KCNAB1: variants seen among roughly 807,000 people sequenced by gnomAD.
The protein encoded by KCNAB1 is voltage-gated potassium channel subunit beta-1.
In KCNAB1, 35 loss-of-function variants were observed where a neutral mutation model predicts 64.6. That is an observed-to-expected ratio of 0.54 (90% CI 0.41 to 0.72). The LOEUF is 0.72. Ranked by LOEUF, KCNAB1 falls within the 30% of genes least tolerant of loss-of-function variation. KCNAB1 has a pLI of 0.00. For synonymous variants in KCNAB1, 177 were observed against 183.8 expected (o/e 0.96, Z 0.30); for missense variants, 401 against 512.9 (o/e 0.78, Z 2.11).
chr3:156,260,498 G>T (rs551659118), intron 1 of KCNAB1, among the ~76,000 whole-genome samples: 4 of 152,108 alleles, frequency 2.6e-5, no homozygotes, highest in Non-Finnish European at 5.9e-5. Context: ...TTCTAGACAT[G>T]TCATAAAAAT....
chr3:156,537,126 T>C lies in KCNAB1; in HGVS notation c.*379T>C, dbSNP rs1447887968. ...ACAAAATCCACAGATGCAATGTGAG[T>C]TGCGTAAGAAACAGAGTAGATAGAC... On this transcript the variant is annotated 3_prime_UTR_variant, in exon 14 of 14. Transcript: ENST00000490337. 1 of 401,124 alleles carries C rather than the reference T, an allele frequency of 2.5e-6. No individual in the cohort carries two copies. The highest frequency in any genetic ancestry group is 4.4e-6 in the Non-Finnish European group (1 of 227,856). The allele number at this position is 401,124 out of a possible 1,614,324, so 24.8% of individuals were successfully genotyped here. A position where few individuals can be genotyped will look rare whatever the true frequency, so the allele number is the denominator to read the frequency against.
intron 1 of KCNAB1, among the ~76,000 whole-genome samples, chr3:156,303,890 A>G (rs1368713776): frequency 1.3e-5 from 2 of 152,248 alleles, no homozygotes; most frequent in Admixed American, 6.5e-5. Flanking sequence ...TCATGTTGAC[A>G]GTAGAAAAGA....
At chr3:156,338,303 C>CTTTT (rs34671816) in intron 1 of KCNAB1, among the ~76,000 whole-genome samples, 890 of 39,438 alleles carry the variant, frequency 0.023, 196 homozygotes, top group African/African-American at 0.069. Context: ...GGCATTTGCA[C>CTTTT]TTTTTTTTTT....
intron 1 of KCNAB1, chr3:156,176,556 T>C (rs1237394059): frequency 1.2e-6 from 1 of 812,558 alleles, no homozygotes; most frequent in African/African-American, 1.7e-5. Flanking sequence ...CCATCTGTGT[T>C]GTAATGCAGT....
intron 1 of KCNAB1, among the ~76,000 whole-genome samples, chr3:156,232,153 T>C (rs1478177110): frequency 1.3e-5 from 2 of 152,194 alleles, no homozygotes; most frequent in Non-Finnish European, 2.9e-5. Context: ...TAGAAAGTAA[T>C]AGTAAGCATT....
At chr3:156,224,287 G>A (rs1262727114) in intron 1 of KCNAB1, among the ~76,000 whole-genome samples, 5 of 152,222 alleles carry the variant, frequency 3.3e-5, no homozygotes, top group African/African-American at 9.6e-5. Flanking sequence ...ACGCAGCCCC[G>A]GTTTCCACCC....
intron 2 of KCNAB1, chr3:156,446,197 T>TA (rs902818170): frequency 1.3e-5 from 2 of 152,138 alleles, no homozygotes; most frequent in Non-Finnish European, 2.9e-5. Flanking sequence ...CTCACCAGGG[T>TA]AATGACCTGG....
At chr3:156,243,154 C>T (rs1313218774) in intron 1 of KCNAB1, among the ~76,000 whole-genome samples, 3 of 152,128 alleles carry the variant, frequency 2.0e-5, no homozygotes, top group Non-Finnish European at 2.9e-5. Flanking sequence ...GTGATCCACC[C>T]GCCTCGGCCT....
intron 1 of KCNAB1, among the ~76,000 whole-genome samples, chr3:156,224,469 C>T (rs547155034): frequency 7.9e-5 from 12 of 152,358 alleles, no homozygotes; most frequent in African/African-American, 2.9e-4. Context: ...GCGAGGGCTG[C>T]CAGCATGCTG....
At chr3:156,293,531 C>T (rs557858230) in intron 1 of KCNAB1, among the ~76,000 whole-genome samples, 5 of 152,254 alleles carry the variant, frequency 3.3e-5, no homozygotes, top group African/African-American at 9.6e-5. Flanking sequence ...TCTCATTGCA[C>T]AAACATCAAG....
intron 1 of KCNAB1, among the ~76,000 whole-genome samples, chr3:156,136,113 A>AG (rs1258110624): frequency 2.6e-5 from 4 of 152,202 alleles, no homozygotes; most frequent in African/African-American, 9.7e-5. Context: ...GCACAACACT[A>AG]GGGGGCACAA....
At chr3:156,486,845 G>C (rs1233237465) in intron 8 of KCNAB1, among the ~76,000 whole-genome samples, 4 of 152,134 alleles carry the variant, frequency 2.6e-5, no homozygotes, top group Admixed American at 2.6e-4. Flanking sequence ...GTTTGATTGA[G>C]ATTGTTGGAG....
At chr3:156,228,859 G>A (rs2108431089) in intron 1 of KCNAB1, among the ~76,000 whole-genome samples, 1 of 152,272 alleles carries the variant, frequency 6.6e-6, no homozygotes, top group Non-Finnish European at 1.5e-5. Flanking sequence ...CCCTTTGTAG[G>A]CTGGTTATTT....
intron 1 of KCNAB1, among the ~76,000 whole-genome samples, chr3:156,354,813 A>C (rs1725126576): frequency 7.2e-5 from 11 of 152,146 alleles, no homozygotes; most frequent in Admixed American, 7.2e-4. Context: ...TCGTTCCAGA[A>C]AAACTAAGGC....
At chr3:156,356,922 G>C (rs987715442) in intron 1 of KCNAB1, among the ~76,000 whole-genome samples, 1 of 152,196 alleles carries the variant, frequency 6.6e-6, no homozygotes, top group Non-Finnish European at 1.5e-5. Flanking sequence ...TACTCTAGTT[G>C]GCTCTGTCTT....
intron 1 of KCNAB1, among the ~76,000 whole-genome samples, chr3:156,343,934 A>G (rs959180389): frequency 6.6e-6 from 1 of 152,238 alleles, no homozygotes. Flanking sequence ...TTCCTTTAGC[A>G]GTTAAGATCC....
intron 1 of KCNAB1, among the ~76,000 whole-genome samples, chr3:156,152,384 A>G (rs1715465037): frequency 1.3e-5 from 2 of 152,194 alleles, no homozygotes; most frequent in Non-Finnish European, 2.9e-5. Flanking sequence ...AACCATCCCA[A>G]GAGGCTGAAG....
At chr3:156,388,959 T>G (rs1417301939) in intron 1 of KCNAB1, among the ~76,000 whole-genome samples, 2 of 152,212 alleles carry the variant, frequency 1.3e-5, no homozygotes. Flanking sequence ...TATTGGCAGA[T>G]AAGAGAGACT....
At chr3:156,178,869 C>G (rs1712575874) in intron 1 of KCNAB1, among the ~76,000 whole-genome samples, 1 of 151,654 alleles carries the variant, frequency 6.6e-6, no homozygotes, top group Non-Finnish European at 1.5e-5. Flanking sequence ...GGCGTGTTGG[C>G]GGGAGCCTGT....
Sources: gnomAD v4.1 joint callset for allele counts (sites outside exome capture counted in the v4.1 genomes callset) on GRCh38, gnomAD v4.1.1 for gene constraint, MANE v1.5 for transcripts, NCBI Gene and HGNC (gene_info 2026-07-23, HGNC 2026-07-21) for gene names.